Variants in VPS13B observed in about 807,000 individuals in gnomAD.
VPS13B encodes the protein intermembrane lipid transfer protein VPS13B.
In VPS13B, 285 loss-of-function variants were observed where a neutral mutation model predicts 426.4. That is an observed-to-expected ratio of 0.67 (90% CI 0.61 to 0.74). The LOEUF is 0.74. Ranked by LOEUF, VPS13B falls within the 30% of genes least tolerant of loss-of-function variation. The pLI, the probability that VPS13B is intolerant of heterozygous loss-of-function variation, is 0.00. For synonymous variants in VPS13B, 1,676 were observed against 1,676.4 expected (o/e 1.00, Z 0.01); for missense variants, 4,537 against 4,782.6 (o/e 0.95, Z 1.51).
At chr8:99,279,195 C>T (rs879606793) in intron 19 of VPS13B, among the ~76,000 whole-genome samples, 11 of 152,130 alleles carry the variant, frequency 7.2e-5, no homozygotes, top group South Asian at 2.1e-4. Context: ...GCCAAGATCA[C>T]GTACTGCACT....
At chr8:99,363,869 G>A (rs937808110) in intron 19 of VPS13B, among the ~76,000 whole-genome samples, 1 of 152,118 alleles carries the variant, frequency 6.6e-6, no homozygotes, top group African/African-American at 2.4e-5. Context: ...TTTTGGTGGA[G>A]TCCTTAGGCT....
chr8:99,542,960 A>G (rs1048832158), intron 30 of VPS13B, among the ~76,000 whole-genome samples: 8 of 152,198 alleles, frequency 5.3e-5, no homozygotes, highest in Non-Finnish European at 1.0e-4. Flanking sequence ...GGAAAAAACT[A>G]CTTTAAATTT....
At chr8:99,083,624 A>G (rs915669415) in intron 3 of VPS13B, among the ~76,000 whole-genome samples, 3 of 139,350 alleles carry the variant, frequency 2.2e-5, no homozygotes, top group African/African-American at 8.2e-5. Flanking sequence ...ATTTTGAGAT[A>G]TGTCCCATCG....
In VPS13B at chr8:99,360,172, TTCTTTCTTTCTTTCTTTCTCTC is replaced by T. The variant is rs1482590601; in HGVS notation, c.2825-24032_2825-24011del. On this transcript the variant is annotated intron_variant, in intron 19 of 61. Coordinates refer to ENST00000357162, the MANE Select transcript of VPS13B (RefSeq NM_152564.5). ...TTTCTTTCTTTCTTTCTTTCTTTCT[TTCTTTCTTTCTTTCTTTCTCTC>T]TCTCTCTCTCTCTCTCTTTCTTTCT... is the stretch of plus-strand genomic sequence containing the variant. Among the ~76,000 whole-genome samples the T allele has an allele frequency of 3.4e-3, 144 of 42,742 alleles. 4 individuals are homozygous for T. The highest frequency in any genetic ancestry group is 0.014 in the African/African-American group (128 of 9,096). The allele number at this position is 42,742 out of a possible 152,430, so 28.0% of individuals were successfully genotyped here.
At chr8:99,089,962 A>G (rs1380467335) in intron 3 of VPS13B, among the ~76,000 whole-genome samples, 1 of 152,170 alleles carries the variant, frequency 6.6e-6, no homozygotes, top group Non-Finnish European at 1.5e-5. Context: ...TGCTACAAAA[A>G]GTCTTAAGAT....
chr8:99,046,086 A>G (rs1843229454), intron 3 of VPS13B, among the ~76,000 whole-genome samples: 1 of 152,004 alleles, frequency 6.6e-6, no homozygotes, highest in African/African-American at 2.4e-5. Flanking sequence ...GTGAAGGATG[A>G]TGGTGGCATT....
At chr8:99,427,955 C>T (rs1816823963) in intron 21 of VPS13B, among the ~76,000 whole-genome samples, 1 of 152,058 alleles carries the variant, frequency 6.6e-6, no homozygotes, top group African/African-American at 2.4e-5. Flanking sequence ...AGCAATGGAA[C>T]AGAACAGAGC....
intron 19 of VPS13B, among the ~76,000 whole-genome samples, chr8:99,378,631 T>C (rs182420366): frequency 3.7e-4 from 56 of 152,354 alleles, no homozygotes; most frequent in African/African-American, 1.3e-3. Flanking sequence ...CAATTTATGT[T>C]CTTCCATCAG....
intron 2 of VPS13B, among the ~76,000 whole-genome samples, chr8:99,029,642 G>A (rs1469097324): frequency 6.6e-6 from 1 of 152,006 alleles, no homozygotes; most frequent in Non-Finnish European, 1.5e-5. Flanking sequence ...CAGGTGTGGC[G>A]GCGCGCGCCT....
intron 54 of VPS13B, among the ~76,000 whole-genome samples, chr8:99,846,962 T>A (rs948973208): frequency 6.6e-6 from 1 of 152,236 alleles, no homozygotes; most frequent in African/African-American, 2.4e-5. Flanking sequence ...AGGTTTCTAC[T>A]GAATGGATAA....
chr8:99,670,742 A>G (rs1329839904), intron 35 of VPS13B, among the ~76,000 whole-genome samples: 10 of 151,878 alleles, frequency 6.6e-5, no homozygotes, highest in Admixed American at 5.9e-4. Flanking sequence ...GTTTTTGTCT[A>G]TTTCTGTTTG....
intron 17 of VPS13B, among the ~76,000 whole-genome samples, chr8:99,244,288 A>G (rs1344416130): frequency 6.6e-6 from 1 of 152,236 alleles, no homozygotes; most frequent in African/African-American, 2.4e-5. Context: ...ATTCTTTGAA[A>G]CTGCAAGATT....
intron 19 of VPS13B, among the ~76,000 whole-genome samples, chr8:99,353,379 T>C (rs567118866): frequency 6.6e-6 from 1 of 152,300 alleles, no homozygotes; most frequent in East Asian, 1.9e-4. Flanking sequence ...GAAAATTGCA[T>C]GACTGAAACT....
intron 12 of VPS13B, among the ~76,000 whole-genome samples, chr8:99,142,681 G>C (rs2068748989): frequency 6.6e-6 from 1 of 152,094 alleles, no homozygotes; most frequent in African/African-American, 2.4e-5. Context: ...AGAATTACTA[G>C]ATATAAGCCA....
chr8:99,098,854 T>C (rs1369584474), intron 4 of VPS13B, among the ~76,000 whole-genome samples: 2 of 152,140 alleles, frequency 1.3e-5, no homozygotes, highest in African/African-American at 2.4e-5. Context: ...CCATTTTCTT[T>C]TTATACTTTT....
At chr8:99,490,229 C>A (rs909301746) in intron 25 of VPS13B, among the ~76,000 whole-genome samples, 4 of 152,252 alleles carry the variant, frequency 2.6e-5, no homozygotes, top group Non-Finnish European at 4.4e-5. Flanking sequence ...GTTGAACCAG[C>A]CTTGCATCCC....
chr8:99,274,786 A>C (rs1419547168), intron 18 of VPS13B, among the ~76,000 whole-genome samples: 1 of 152,060 alleles, frequency 6.6e-6, no homozygotes, highest in Non-Finnish European at 1.5e-5. Flanking sequence ...GTGCAAACTA[A>C]ATTTAAGGTA....
intron 31 of VPS13B, among the ~76,000 whole-genome samples, chr8:99,557,602 CAT>C (rs1287386982): frequency 5.9e-5 from 9 of 152,126 alleles, no homozygotes; most frequent in African/African-American, 1.7e-4. Flanking sequence ...CTGCTATTAA[CAT>C]GTGTGTGCAT....
intron 2 of VPS13B, among the ~76,000 whole-genome samples, chr8:99,037,787 T>G (rs915352205): frequency 6.6e-6 from 1 of 151,990 alleles, no homozygotes; most frequent in African/African-American, 2.4e-5. Context: ...CATTTAAAAT[T>G]TATGACCAAG....
Sources: gnomAD v4.1 joint callset for allele counts (sites outside exome capture counted in the v4.1 genomes callset) on GRCh38, gnomAD v4.1.1 for gene constraint, MANE v1.5 for transcripts, NCBI Gene and HGNC (gene_info 2026-07-23, HGNC 2026-07-21) for gene names.